CDH18: variants seen among roughly 807,000 people sequenced by gnomAD.
CDH18 encodes the protein cadherin-18.
Under a neutral mutation model 67.9 loss-of-function variants are expected in CDH18, and 31 were observed. The observed-to-expected ratio is 0.46, with a 90% CI of 0.34 to 0.62. CDH18 has a LOEUF of 0.62. CDH18 is among the 20% of genes least tolerant of loss of function. The probability of loss-of-function intolerance (pLI) is 0.01; values close to 1 mark genes in which losing one functional copy is unlikely to be tolerated. For missense variants in CDH18, 890 were observed against 975.5 expected, an observed-to-expected ratio of 0.91 and a Z score of 1.17; for synonymous variants, 362 against 347.2, an observed-to-expected ratio of 1.04 and a Z score of -0.48.
chr5:20,391,774 A>T (rs1744881663), intron 1 of CDH18, among the ~76,000 whole-genome samples: 1 of 152,028 alleles, frequency 6.6e-6, no homozygotes, highest in Non-Finnish European at 1.5e-5. Context: ...CCTTGTTCAC[A>T]ATAGAAACAA....
chr5:19,727,751 T>C (rs1032393661), intron 4 of CDH18, among the ~76,000 whole-genome samples: 3 of 152,214 alleles, frequency 2.0e-5, no homozygotes, highest in African/African-American at 7.2e-5. Context: ...TTGTGTATTA[T>C]GTTTGCAACC....
intron 1 of CDH18, among the ~76,000 whole-genome samples, chr5:20,298,244 A>T (rs1399294826): frequency 1.3e-5 from 2 of 152,210 alleles, no homozygotes; most frequent in Non-Finnish European, 2.9e-5. Flanking sequence ...AATTATAGAA[A>T]ATTAAAACTC....
At chr5:19,608,665 T>C (rs555585903) in intron 6 of CDH18, among the ~76,000 whole-genome samples, 3 of 151,828 alleles carry the variant, frequency 2.0e-5, no homozygotes, top group Admixed American at 6.6e-5. Flanking sequence ...CAATATTACA[T>C]GGCACTAAAC....
intron 6 of CDH18, among the ~76,000 whole-genome samples, chr5:19,594,274 C>T (rs1580392905): frequency 1.3e-5 from 2 of 152,068 alleles, no homozygotes; most frequent in African/African-American, 4.8e-5. Flanking sequence ...GCCTCAACCT[C>T]CTGAGTAGCT....
chr5:20,304,181 A>C, intron 1 of CDH18: 1 of 1,525,390 alleles, frequency 6.6e-7, no homozygotes. Flanking sequence ...GACAATAAAA[A>C]CGTTATTTTT....
At chr5:19,647,376 A>G (rs1456596848) in intron 5 of CDH18, among the ~76,000 whole-genome samples, 1 of 151,304 alleles carries the variant, frequency 6.6e-6, no homozygotes, top group Non-Finnish European at 1.5e-5. Context: ...ACAACAAAAA[A>G]AAAATTAGCT....
At chr5:19,761,968 C>A (rs1772419824) in intron 3 of CDH18, among the ~76,000 whole-genome samples, 1 of 152,064 alleles carries the variant, frequency 6.6e-6, no homozygotes, top group Non-Finnish European at 1.5e-5. Flanking sequence ...ATTTGACAAA[C>A]CTGAGAAAAA....
chr5:19,863,337 T>C (rs1368142475), intron 2 of CDH18, among the ~76,000 whole-genome samples: 2 of 152,108 alleles, frequency 1.3e-5, no homozygotes, highest in Non-Finnish European at 2.9e-5. Flanking sequence ...ATACACAAAC[T>C]AGAAAACAAG....
intron 1 of CDH18, among the ~76,000 whole-genome samples, chr5:20,458,645 A>C (rs55668389): frequency 0.2 from 29,984 of 151,688 alleles, 3,743 homozygotes; most frequent in East Asian, 0.39. Context: ...ACAACAAAAA[A>C]CCCATATGTA....
chr5:19,726,423 G>C (rs1427298242), intron 4 of CDH18, among the ~76,000 whole-genome samples: 4 of 152,152 alleles, frequency 2.6e-5, no homozygotes, highest in Admixed American at 6.5e-5. Context: ...TATGTGTACT[G>C]TACTTCGGTA....
intron 8 of CDH18, among the ~76,000 whole-genome samples, chr5:19,555,565 T>A (rs1738253235): frequency 6.6e-6 from 1 of 152,096 alleles, no homozygotes; most frequent in South Asian, 2.1e-4. Flanking sequence ...CCCCTGGGAA[T>A]ATAACTCCAT....
chr5:20,408,786 T>C (rs753877037), intron 1 of CDH18, among the ~76,000 whole-genome samples: 3 of 151,734 alleles, frequency 2.0e-5, no homozygotes, highest in Non-Finnish European at 4.4e-5. Flanking sequence ...CAATAAAACA[T>C]ATGGAACAGA....
At chr5:20,455,887 G>T (rs1750804030) in intron 1 of CDH18, among the ~76,000 whole-genome samples, 1 of 151,930 alleles carries the variant, frequency 6.6e-6, no homozygotes. Context: ...TGATGATACA[G>T]CTAAGTAAGC....
intron 2 of CDH18, among the ~76,000 whole-genome samples, chr5:20,133,574 C>A (rs1251050659): frequency 6.6e-6 from 1 of 152,078 alleles, no homozygotes; most frequent in African/African-American, 2.4e-5. Flanking sequence ...TTTTTGTTTT[C>A]TTTACTCTTA....
chr5:20,290,350 C>T (rs1219394428), intron 1 of CDH18, among the ~76,000 whole-genome samples: 1 of 152,098 alleles, frequency 6.6e-6, no homozygotes, highest in East Asian at 1.9e-4. Context: ...GAGTATGTTG[C>T]TAATGCTTAT....
At chr5:20,041,112 A>T (rs1175353239) in intron 2 of CDH18, among the ~76,000 whole-genome samples, 6 of 152,172 alleles carry the variant, frequency 3.9e-5, no homozygotes, top group African/African-American at 1.4e-4. Flanking sequence ...CTGGTGTATG[A>T]ACTCTAGCAA....
intron 8 of CDH18, among the ~76,000 whole-genome samples, chr5:19,554,219 T>C (rs546234811): frequency 4.2e-4 from 64 of 152,342 alleles, no homozygotes; most frequent in African/African-American, 1.5e-3. Context: ...AAAATTAAGC[T>C]AAACCTCTGC....
intron 1 of CDH18, among the ~76,000 whole-genome samples, chr5:20,282,190 T>C (rs1230361154): frequency 6.6e-6 from 1 of 152,160 alleles, no homozygotes. Context: ...CTTTTCCTAA[T>C]TGAATACCCT....
intron 2 of CDH18, among the ~76,000 whole-genome samples, chr5:19,905,033 A>G (rs1790387744): frequency 6.6e-6 from 1 of 152,170 alleles, no homozygotes; most frequent in Non-Finnish European, 1.5e-5. Flanking sequence ...ATACTGATAA[A>G]GAACCTCAAT....
Sources: gnomAD v4.1 joint callset for allele counts (sites outside exome capture counted in the v4.1 genomes callset) on GRCh38, gnomAD v4.1.1 for gene constraint, MANE v1.5 for transcripts, NCBI Gene and HGNC (gene_info 2026-07-23, HGNC 2026-07-21) for gene names.